Variants in SDK1 observed in about 807,000 individuals in gnomAD.
The protein encoded by SDK1 is protein sidekick-1.
SDK1 carries 157 observed loss-of-function variants against 245.5 expected under a neutral mutation model. That is an observed-to-expected ratio of 0.64 (90% CI 0.56 to 0.73). The LOEUF (loss-of-function observed/expected upper bound fraction) is 0.73, where lower values mean the gene tolerates loss of function less well. Among genes scored for constraint, SDK1 ranks in the 30% least tolerant of loss-of-function variants. SDK1 has a pLI of 0.00. For synonymous variants in SDK1, 1,647 were observed against 1,278.5 expected, an observed-to-expected ratio of 1.29 and a Z score of -6.15; for missense variants, 3,583 against 3,002.3, an observed-to-expected ratio of 1.19 and a Z score of -4.52.
At position 3,748,798 on chromosome 7, in the gene SDK1, T is replaced by C. The variant is rs151297048; in HGVS notation, c.714-72652T>C. On this transcript the variant is annotated intron_variant, in intron 4 of 44. Transcript: ENST00000404826. ...AAGAGTACTTGGTACAACCCTATAA[T>C]TACTATACATAAATCCAAGGTTTCA... is the stretch of plus-strand genomic sequence containing the variant. Among the ~76,000 whole-genome samples the C allele has an allele frequency of 7.7e-3, 1,174 of 152,302 alleles. 14 individuals are homozygous for C. Among genetic ancestry groups the C allele is most frequent in the Non-Finnish European group, 0.01 (704 of 68,024 alleles).
chr7:3,779,881 G>A (rs550333548), intron 4 of SDK1, among the ~76,000 whole-genome samples: 13 of 148,874 alleles, frequency 8.7e-5, no homozygotes, highest in African/African-American at 3.0e-4. Flanking sequence ...GCAGTGAGCC[G>A]AGATTGCACC....
intron 4 of SDK1, among the ~76,000 whole-genome samples, chr7:3,756,825 G>T (rs1455516550): frequency 6.6e-6 from 1 of 152,244 alleles, no homozygotes; most frequent in African/African-American, 2.4e-5. Flanking sequence ...TATGGATTTT[G>T]GGGAAGAATC....
chr7:4,085,355 C>G (rs946323775), intron 22 of SDK1, among the ~76,000 whole-genome samples: 1 of 152,076 alleles, frequency 6.6e-6, no homozygotes, highest in African/African-American at 2.4e-5. Context: ...CAGTTTATAC[C>G]TACAGTTTAT....
At position 3,487,951 on chromosome 7, in the gene SDK1, G is replaced by C. The variant is rs17150663; in HGVS notation, c.299-131129G>C. On this transcript the variant is annotated intron_variant, in intron 1 of 44. Transcript: ENST00000404826. ...TGTAATGCTCTTTTAAGTGTTTGTA[G>C]CATCTGTGTCTGTGGTATTGTTGCT... Among the ~76,000 whole-genome samples the C allele has an allele frequency of 1.2e-3, 189 of 152,058 alleles. 1 individual carries two copies. Among genetic ancestry groups the C allele is most frequent in the African/African-American group, 4.1e-3 (172 of 41,478 alleles).
rs552694352 is a variant in SDK1, at chr7:3,592,220, G to T, written c.299-26860G>T. ...GTCATTATAAGAATCACCCAACAGT[G>T]TGAAATCAAAATGATTTCTTACTAT... On this transcript the variant is annotated intron_variant, in intron 1 of 44. Coordinates refer to ENST00000404826, the MANE Select transcript of SDK1 (RefSeq NM_152744.4). 2.4e-3 allele frequency among the ~76,000 whole-genome samples: 367 copies of T among 152,242 alleles called. 3 individuals are homozygous for T. The highest frequency in any genetic ancestry group is 0.017 in the South Asian group (84 of 4,822).
At position 3,584,315 on chromosome 7, in the gene SDK1, TTCC is replaced by T. The variant is rs1780612133; in HGVS notation, c.299-34757_299-34755del. ...ATGCACCTCTTTGGATTTCCTTGGCTTCCTCCTCCTTGCCTGGCGTTCCCTGTC... is the reference window on the plus strand; with the variant it reads ...ATGCACCTCTTTGGATTTCCTTGGCTTCCTCCTTGCCTGGCGTTCCCTGTC... On this transcript the variant is annotated intron_variant, in intron 1 of 44. Coordinates refer to ENST00000404826, the MANE Select transcript of SDK1 (RefSeq NM_152744.4). Among the ~76,000 whole-genome samples the T allele has an allele frequency of 2.0e-5, 3 of 152,172 alleles. No individual in the cohort carries two copies. The South Asian group carries it at 6.2e-4, about 32-fold the overall frequency.
chr7:4,146,811 C>A (rs769108502), intron 29 of SDK1, among the ~76,000 whole-genome samples: 11 of 152,230 alleles, frequency 7.2e-5, no homozygotes, highest in Non-Finnish European at 1.5e-5. Flanking sequence ...TTCCTGCAGC[C>A]CACGGAGCAG....
At chr7:3,615,276 A>G (rs956910315) in intron 1 of SDK1, among the ~76,000 whole-genome samples, 2 of 151,686 alleles carry the variant, frequency 1.3e-5, no homozygotes, top group Admixed American at 6.6e-5. Context: ...AGCTACCTCC[A>G]TTGCAGTTCA....
chr7:4,178,322 G>A (rs1047302860), intron 34 of SDK1, among the ~76,000 whole-genome samples, 163 bp from the exon 35 acceptor site: 6 of 152,072 alleles, frequency 3.9e-5, no homozygotes, highest in African/African-American at 1.4e-4. Flanking sequence ...GAGAAGGAGG[G>A]TGCCCCGGTC....
intron 5 of SDK1, among the ~76,000 whole-genome samples, chr7:3,849,695 A>G (rs1414508538): frequency 6.6e-6 from 1 of 152,326 alleles, no homozygotes; most frequent in East Asian, 1.9e-4. Context: ...GCGTATTTTG[A>G]TAATAGATTG....
chr7:3,478,027 A>G (rs958039851), intron 1 of SDK1, among the ~76,000 whole-genome samples: 1 of 152,134 alleles, frequency 6.6e-6, no homozygotes, highest in African/African-American at 2.4e-5. Context: ...GATTTGCAAC[A>G]TACTCCTTAG....
intron 4 of SDK1, among the ~76,000 whole-genome samples, chr7:3,694,464 G>C (rs1005942572): frequency 6.6e-6 from 1 of 152,174 alleles, no homozygotes; most frequent in Admixed American, 6.5e-5. Flanking sequence ...GGACTTGGCC[G>C]TGTACAGAGA....
chr7:4,197,311 AAAAG>A (rs1783639612), intron 35 of SDK1, among the ~76,000 whole-genome samples: 2 of 150,242 alleles, frequency 1.3e-5, no homozygotes, highest in African/African-American at 4.9e-5. Context: ...AAAAAAAAGA[AAAAG>A]AAAAGAAAGA....
At chr7:3,842,959 G>A (rs1423224739) in intron 5 of SDK1, among the ~76,000 whole-genome samples, 1 of 152,042 alleles carries the variant, frequency 6.6e-6, no homozygotes, top group African/African-American at 2.4e-5. Flanking sequence ...AGGAGAAGAC[G>A]GTGGCTCAAC....
intron 4 of SDK1, among the ~76,000 whole-genome samples, chr7:3,719,987 A>G (rs1475020579): frequency 6.6e-6 from 1 of 152,092 alleles, no homozygotes; most frequent in East Asian, 1.9e-4. Flanking sequence ...TAAAAAAAAA[A>G]AAAGAAAGAA....
At chr7:3,771,301 C>T (rs1780399968) in intron 4 of SDK1, among the ~76,000 whole-genome samples, 1 of 152,128 alleles carries the variant, frequency 6.6e-6, no homozygotes, top group South Asian at 2.1e-4. Context: ...CAAGCCATCA[C>T]CTCACTTGCG....
chr7:3,563,627 T>G (rs186654794), intron 1 of SDK1, among the ~76,000 whole-genome samples: 6 of 152,324 alleles, frequency 3.9e-5, no homozygotes, highest in East Asian at 1.9e-4. Flanking sequence ...CACACTGTTC[T>G]CAGAAATTAG....
intron 1 of SDK1, among the ~76,000 whole-genome samples, chr7:3,580,585 A>C (rs1157005314): frequency 6.6e-6 from 1 of 152,192 alleles, no homozygotes; most frequent in Non-Finnish European, 1.5e-5. Context: ...ATAACTGACT[A>C]GGCATATGCA....
chr7:3,378,107 G>T, intron 1 of SDK1, among the ~76,000 whole-genome samples: 1 of 152,116 alleles, frequency 6.6e-6, no homozygotes, highest in East Asian at 1.9e-4. Flanking sequence ...TCAACTTCTT[G>T]TTGAGCCACT....
Sources: gnomAD v4.1 joint callset for allele counts (sites outside exome capture counted in the v4.1 genomes callset) on GRCh38, gnomAD v4.1.1 for gene constraint, MANE v1.5 for transcripts, NCBI Gene and HGNC (gene_info 2026-07-23, HGNC 2026-07-21) for gene names.